CCDC178: variants seen among roughly 807,000 people sequenced by gnomAD.
CCDC178 encodes coiled-coil domain-containing protein 178.
In CCDC178, 126 loss-of-function variants were observed where a neutral mutation model predicts 117.4. The observed-to-expected ratio is 1.07, with a 90% confidence interval of 0.93 to 1.24. The LOEUF is 1.24. CCDC178 is among the 50% of genes most tolerant of loss of function. The pLI, the probability that CCDC178 is intolerant of heterozygous loss-of-function variation, is 0.00. For missense variants in CCDC178, 1,030 were observed against 986.9 expected, an observed-to-expected ratio of 1.04 and a Z score of -0.59; for synonymous variants, 283 against 313.4, an observed-to-expected ratio of 0.90 and a Z score of 1.02.
chr18:33,041,721 C>T (rs909211542), intron 21 of CCDC178, among the ~76,000 whole-genome samples: 11 of 151,678 alleles, frequency 7.3e-5, no homozygotes, highest in African/African-American at 2.7e-4. Flanking sequence ...ATTTTAGACA[C>T]ATTCTTATAA....
At chr18:33,109,520 C>T (rs2057752777) in intron 20 of CCDC178, among the ~76,000 whole-genome samples, 1 of 151,504 alleles carries the variant, frequency 6.6e-6, no homozygotes, top group Non-Finnish European at 1.5e-5. Flanking sequence ...TCTTAAGATA[C>T]AGCATATGTC....
intron 22 of CCDC178, among the ~76,000 whole-genome samples, chr18:32,946,263 A>G (rs1009773028): frequency 6.6e-6 from 1 of 152,166 alleles, no homozygotes; most frequent in African/African-American, 2.4e-5. Context: ...AAAATCTCTT[A>G]AATTTGCCCT....
intron 21 of CCDC178, among the ~76,000 whole-genome samples, chr18:33,010,435 G>T (rs943090920): frequency 2.6e-5 from 4 of 152,082 alleles, no homozygotes; most frequent in African/African-American, 9.7e-5. Context: ...AAATCAAAGG[G>T]TATTTCTTCC....
At chr18:32,965,973 ATTT>A (rs1250981414) in intron 22 of CCDC178, among the ~76,000 whole-genome samples, 1 of 149,314 alleles carries the variant, frequency 6.7e-6, no homozygotes, top group Non-Finnish European at 1.5e-5. Flanking sequence ...AATAGAATCA[ATTT>A]TTAATTATAT....
At chr18:33,311,636 G>C (rs1005988640) in intron 11 of CCDC178, among the ~76,000 whole-genome samples, 2 of 152,212 alleles carry the variant, frequency 1.3e-5, no homozygotes, top group Admixed American at 1.3e-4. Context: ...CTGGGAAAAG[G>C]CCTGTCCCCT....
At chr18:33,196,857 TGAGTA>T in intron 20 of CCDC178, among the ~76,000 whole-genome samples, 1 of 152,158 alleles carries the variant, frequency 6.6e-6, no homozygotes, top group Non-Finnish European at 1.5e-5. Flanking sequence ...TCTATGTGCC[TGAGTA>T]AAGTGCCCCT....
At chr18:33,174,822 C>A (rs944749802) in intron 20 of CCDC178, among the ~76,000 whole-genome samples, 13 of 151,642 alleles carry the variant, frequency 8.6e-5, no homozygotes, top group Admixed American at 8.5e-4. Flanking sequence ...CTTCTTTTTT[C>A]TTTTCATTAA....
intron 12 of CCDC178, among the ~76,000 whole-genome samples, chr18:33,275,021 T>C (rs541275888): frequency 3.9e-5 from 6 of 152,208 alleles, no homozygotes; most frequent in African/African-American, 1.4e-4. Flanking sequence ...ACTTCAAAAG[T>C]ATTAATCATT....
chr18:33,328,238 G>A (rs8087803), intron 10 of CCDC178: 72,642 of 245,410 alleles, frequency 0.3, 13,507 homozygotes, highest in African/African-American at 0.57. Context: ...GGGTAGCTGG[G>A]ACTACAGGCC....
At chr18:33,294,810 G>A (rs2062086768) in intron 11 of CCDC178, among the ~76,000 whole-genome samples, 1 of 152,104 alleles carries the variant, frequency 6.6e-6, no homozygotes. Context: ...ATACACTATG[G>A]ACTTTTGCCT....
Position 33,391,446 on chromosome 18 carries a change from A to T in CCDC178, c.119-1817T>A, listed in dbSNP as rs150460567. 1.4e-3 allele frequency among the ~76,000 whole-genome samples: 209 copies of T among 152,268 alleles called. 1 individual carries two copies. Among genetic ancestry groups the T allele is most frequent in the African/African-American group, 4.7e-3 (194 of 41,578 alleles). On this transcript the variant is annotated intron_variant, in intron 4 of 22. Transcript: ENST00000383096. Reference sequence around the variant, plus strand: ...TGACATACAGGATGTGATGAGTACAATAAGGTAATATTGATATACATATTA... The same window carrying T: ...TGACATACAGGATGTGATGAGTACATTAAGGTAATATTGATATACATATTA...
rs371056660 is a variant in CCDC178 at position 33,134,675 on chromosome 18, TTC to T, written c.2239-41767_2239-41766del. On this transcript the variant is annotated intron_variant, in intron 20 of 22. Coordinates refer to ENST00000383096, the MANE Select transcript of CCDC178 (RefSeq NM_001105528.4). The stretch of plus-strand genomic sequence containing the variant: ...TCCCTTTGTTTCGCCCATCCCATTT[TTC>T]CTTCCTTTCTTCTTTCCTTCTAATA... 1.4e-4 allele frequency among the ~76,000 whole-genome samples: 22 copies of T among 152,230 alleles called. No individual in the cohort carries two copies. In the East Asian group the frequency reaches 3.7e-3, roughly 25 times the overall value.
At chr18:33,068,784 A>G (rs2057061450) in intron 21 of CCDC178, among the ~76,000 whole-genome samples, 2 of 152,134 alleles carry the variant, frequency 1.3e-5, no homozygotes. Flanking sequence ...CACTTTTACT[A>G]CTCTTATTCA....
chr18:33,411,233 T>C (rs2063848209), intron 3 of CCDC178, among the ~76,000 whole-genome samples: 1 of 152,228 alleles, frequency 6.6e-6, no homozygotes. Context: ...CCTATTGTTC[T>C]CAAAGTATTC....
In CCDC178 at chr18:33,132,008, C is replaced by T. The variant is rs139036320; in HGVS notation, c.2239-39098G>A. ...TTTGTTTCTTTGTTTTTTTTTGGTG[C>T]TACTCATGTAGCTAAGACATCTCTC... On this transcript the variant is annotated intron_variant, in intron 20 of 22. Coordinates refer to ENST00000383096, the MANE Select transcript of CCDC178 (RefSeq NM_001105528.4). Among the ~76,000 whole-genome samples, 210 of 150,812 alleles carry T rather than the reference C, an allele frequency of 1.4e-3. 1 individual carries two copies. Among genetic ancestry groups the T allele is most frequent in the African/African-American group, 4.8e-3 (199 of 41,144 alleles).
chr18:33,302,809 TG>T (rs1220779039), intron 11 of CCDC178, among the ~76,000 whole-genome samples: 1 of 152,060 alleles, frequency 6.6e-6, no homozygotes, highest in Non-Finnish European at 1.5e-5. Context: ...AAAAAACAGT[TG>T]ATCTCAAAGA....
At chr18:33,359,236 G>A (rs1408702909) in intron 6 of CCDC178, among the ~76,000 whole-genome samples, 3 of 151,656 alleles carry the variant, frequency 2.0e-5, no homozygotes, top group African/African-American at 7.2e-5. Context: ...TAGCTCAATA[G>A]AAAATCATTT....
rs1392717662 is a variant in CCDC178, at chr18:33,254,540, A to AACAGATT, written c.1410-9119_1410-9113dup. Among the ~76,000 whole-genome samples the AACAGATT allele has an allele frequency of 4.6e-5, 7 of 152,128 alleles. No individual in the cohort carries two copies. In the East Asian group the frequency reaches 1.4e-3, roughly 29 times the overall value. The stretch of plus-strand genomic sequence containing the variant: ...CTCATGAAGGAAACAGGAAACAAAA[A>AACAGATT]ACAGATTCCAGTGCAATAATAAGAC... On this transcript the variant is annotated intron_variant, in intron 14 of 22. Coordinates refer to ENST00000383096, the MANE Select transcript of CCDC178 (RefSeq NM_001105528.4).
intron 12 of CCDC178, among the ~76,000 whole-genome samples, chr18:33,271,958 G>T (rs1384951571): frequency 6.6e-6 from 1 of 151,448 alleles, no homozygotes; most frequent in Non-Finnish European, 1.5e-5. Context: ...CTACATTAAA[G>T]AAGTTCTTAT....
Sources: gnomAD v4.1 joint callset for allele counts (sites outside exome capture counted in the v4.1 genomes callset) on GRCh38, gnomAD v4.1.1 for gene constraint, MANE v1.5 for transcripts, NCBI Gene and HGNC (gene_info 2026-07-23, HGNC 2026-07-21) for gene names.